Variants in EDIL3 observed in about 807,000 individuals in gnomAD.
EDIL3 encodes the protein EGF-like repeat and discoidin I-like domain-containing protein 3.
Under a neutral mutation model 67.4 loss-of-function variants are expected in EDIL3, and 37 were observed. The ratio of observed to expected loss-of-function variants is 0.55; its 90% CI spans 0.42 to 0.72. The LOEUF is 0.72. Among genes scored for constraint, EDIL3 ranks in the 30% least tolerant of loss-of-function variants. EDIL3 has a pLI of 0.00. For synonymous variants in EDIL3, 195 were observed against 196.3 expected (o/e 0.99, Z 0.05); for missense variants, 527 against 586.3 (o/e 0.90, Z 1.04).
intron 4 of EDIL3, among the ~76,000 whole-genome samples, chr5:84,166,455 G>A (rs1580357360): frequency 6.6e-6 from 1 of 152,000 alleles, no homozygotes; most frequent in African/African-American, 2.4e-5. Flanking sequence ...ATGATTCATT[G>A]GTTAACACAC....
At chr5:83,958,232 T>C (rs1469078086) in intron 10 of EDIL3, among the ~76,000 whole-genome samples, 1 of 151,550 alleles carries the variant, frequency 6.6e-6, no homozygotes, top group East Asian at 2.0e-4. Flanking sequence ...TGCTTATTAT[T>C]AGCTGGGGCC....
At chr5:84,107,214 T>G (rs1747481014) in intron 5 of EDIL3, among the ~76,000 whole-genome samples, 1 of 152,098 alleles carries the variant, frequency 6.6e-6, no homozygotes, top group Non-Finnish European at 1.5e-5. Context: ...AACAAATATT[T>G]TTCCATCCAT....
At chr5:84,295,859 G>A (rs1746041982) in intron 1 of EDIL3, among the ~76,000 whole-genome samples, 1 of 152,092 alleles carries the variant, frequency 6.6e-6, no homozygotes, top group African/African-American at 2.4e-5. Context: ...GATGAACAGT[G>A]ACTCAGGTTG....
intron 1 of EDIL3, among the ~76,000 whole-genome samples, chr5:84,344,377 G>A (rs1747194457): frequency 6.6e-6 from 1 of 152,018 alleles, no homozygotes; most frequent in African/African-American, 2.4e-5. Flanking sequence ...ATGTGACTGA[G>A]CACATATATT....
chr5:84,102,704 C>T (rs1420359998), intron 6 of EDIL3, among the ~76,000 whole-genome samples: 2 of 151,166 alleles, frequency 1.3e-5, no homozygotes, highest in African/African-American at 4.8e-5. Flanking sequence ...AACTAGAAAA[C>T]ACTGGTCCAA....
At chr5:84,165,876 T>C (rs375874883) in intron 4 of EDIL3, among the ~76,000 whole-genome samples, 1 of 152,142 alleles carries the variant, frequency 6.6e-6, no homozygotes, top group Admixed American at 6.6e-5. Context: ...TTAAAACATG[T>C]ATATGTGCAA....
intron 9 of EDIL3, among the ~76,000 whole-genome samples, chr5:84,040,805 C>T (rs1283111585): frequency 6.6e-6 from 1 of 152,014 alleles, no homozygotes; most frequent in Non-Finnish European, 1.5e-5. Flanking sequence ...AAGTAATCTT[C>T]AAAAGTCAGT....
intron 9 of EDIL3, among the ~76,000 whole-genome samples, chr5:84,039,153 T>C (rs1451937727): frequency 6.6e-6 from 1 of 152,060 alleles, no homozygotes; most frequent in Non-Finnish European, 1.5e-5. Flanking sequence ...AAAAACAGCT[T>C]TGAGGATTTT....
intron 4 of EDIL3, among the ~76,000 whole-genome samples, chr5:84,158,150 A>G (rs1748527828): frequency 6.6e-6 from 1 of 152,088 alleles, no homozygotes; most frequent in African/African-American, 2.4e-5. Context: ...ATAACTTGAC[A>G]TCTGACTGGT....
intron 9 of EDIL3, among the ~76,000 whole-genome samples, chr5:83,984,193 G>A (rs1745020769): frequency 6.6e-6 from 1 of 152,042 alleles, no homozygotes; most frequent in African/African-American, 2.4e-5. Context: ...ACGGAAAGTT[G>A]CAGAAATGAG....
At chr5:84,180,357 A>G in intron 4 of EDIL3, 36 bp downstream of exon 4, 8 of 1,544,618 alleles carry the variant, frequency 5.2e-6, no homozygotes, top group Non-Finnish European at 7.0e-6. Context: ...TTTGTAATCA[A>G]TAATAATAAA....
intron 1 of EDIL3, among the ~76,000 whole-genome samples, chr5:84,290,035 C>A (rs1215068622): frequency 6.6e-6 from 1 of 152,126 alleles, no homozygotes; most frequent in East Asian, 1.9e-4. Context: ...TTTAATGGGA[C>A]CCTCAGATCC....
intron 1 of EDIL3, among the ~76,000 whole-genome samples, chr5:84,273,948 T>C (rs771549678): frequency 4.0e-4 from 61 of 152,196 alleles, no homozygotes; most frequent in Non-Finnish European, 1.5e-4. Flanking sequence ...TGTACATCTA[T>C]GCCTTGTTGT....
At chr5:84,224,756 T>C (rs1473926487) in intron 3 of EDIL3, among the ~76,000 whole-genome samples, 1 of 151,692 alleles carries the variant, frequency 6.6e-6, no homozygotes, top group East Asian at 1.9e-4. Context: ...ATAAATATAG[T>C]AGCACAGTTC....
intron 4 of EDIL3, among the ~76,000 whole-genome samples, chr5:84,148,262 A>C (rs1748322674): frequency 6.6e-6 from 1 of 152,188 alleles, no homozygotes; most frequent in South Asian, 2.1e-4. Flanking sequence ...GTACACACAT[A>C]CTTCTACATT....
At chr5:84,035,687 A>T (rs1746009620) in intron 9 of EDIL3, among the ~76,000 whole-genome samples, 1 of 152,036 alleles carries the variant, frequency 6.6e-6, no homozygotes, top group African/African-American at 2.4e-5. Flanking sequence ...TACTTCTTGG[A>T]CTTCACATAA....
At chr5:84,160,992 TC>T (rs1353147048) in intron 4 of EDIL3, among the ~76,000 whole-genome samples, 1 of 151,834 alleles carries the variant, frequency 6.6e-6, no homozygotes, top group Non-Finnish European at 1.5e-5. Context: ...TGTCCCTCAC[TC>T]CCCACCCTTC....
chr5:84,077,375 G>A (rs1279468029), intron 6 of EDIL3, among the ~76,000 whole-genome samples: 1 of 152,138 alleles, frequency 6.6e-6, no homozygotes, highest in East Asian at 1.9e-4. Context: ...AAATATACAA[G>A]GGTGTATGAG....
At chr5:84,098,329 T>C (rs963891399) in intron 6 of EDIL3, among the ~76,000 whole-genome samples, 3 of 151,958 alleles carry the variant, frequency 2.0e-5, no homozygotes, top group African/African-American at 7.3e-5. Context: ...TATAAGTGAG[T>C]TTAAGCGAAG....
Sources: allele counts gnomAD v4.1 joint callset (sites outside exome capture counted in the v4.1 genomes callset), GRCh38; gene constraint gnomAD v4.1.1; transcripts MANE v1.5; gene names NCBI Gene and HGNC (gene_info 2026-07-23, HGNC 2026-07-21).